MAGI1: variants seen among roughly 807,000 people sequenced by gnomAD.
MAGI1 encodes membrane-associated guanylate kinase, WW and PDZ domain-containing protein 1.
MAGI1 carries 58 observed loss-of-function variants against 139.9 expected under a neutral mutation model. The observed-to-expected ratio is 0.41, with a 90% CI of 0.34 to 0.52. The LOEUF (loss-of-function observed/expected upper bound fraction) is 0.52. MAGI1 is among the 20% of genes least tolerant of loss of function. MAGI1 has a pLI of 0.12. For synonymous variants in MAGI1, 812 were observed against 737.9 expected (o/e 1.10, Z -1.63); for missense variants, 1,874 against 1,901.6 (o/e 0.99, Z 0.27).
rs1411804173 is a variant in MAGI1 at position 65,478,576 on chromosome 3, A to G, written c.757+16T>C. On this transcript the variant is annotated intron_variant, in intron 4 of 22. Coordinates refer to ENST00000402939, the MANE Select transcript of MAGI1 (RefSeq NM_001033057.2). ...CTTCCCCAGGTCCATTGAGGGCAAC[A>G]TGATCTGACCTTTACCTGTAAAGCT... 3.7e-6 allele frequency: 6 copies of G among 1,612,052 alleles called. No homozygotes were observed. Among genetic ancestry groups the G allele is most frequent in the Non-Finnish European group, 5.1e-6 (6 of 1,178,526 alleles).
Position 65,988,028 on chromosome 3 carries a change from T to C in MAGI1, c.313+49968A>G, listed in dbSNP as rs143551677. Among the ~76,000 whole-genome samples, 289 of 152,354 alleles carry C rather than the reference T, an allele frequency of 1.9e-3. 2 individuals are homozygous for C. The highest frequency in any genetic ancestry group is 6.8e-3 in the African/African-American group (283 of 41,588). ...CATGAATCTGAAAACGGGTTGAAGA[T>C]ATAAGTGTAAGTTATTATCTGAACA... On this transcript the variant is annotated intron_variant, in intron 1 of 22. Transcript: ENST00000402939.
chr3:65,429,376 A>C, intron 12 of MAGI1, 144 bp downstream of exon 12: 1 of 796,848 alleles, frequency 1.3e-6, no homozygotes. Flanking sequence ...TATGCTAAAG[A>C]GGTTAGTATT....
intron 1 of MAGI1, among the ~76,000 whole-genome samples, chr3:65,664,843 G>C (rs1266934965): frequency 6.6e-6 from 1 of 152,012 alleles, no homozygotes; most frequent in Non-Finnish European, 1.5e-5. Context: ...TCACATTTTT[G>C]TGCTTTTTGA....
intron 2 of MAGI1, among the ~76,000 whole-genome samples, chr3:65,500,861 A>C (rs772434721): frequency 1.1e-4 from 17 of 152,224 alleles, no homozygotes; most frequent in Non-Finnish European, 2.5e-4. Context: ...AAAAAATGAC[A>C]GTCACTGCAA....
At chr3:65,693,758 C>T (rs2088893390) in intron 1 of MAGI1, among the ~76,000 whole-genome samples, 1 of 151,970 alleles carries the variant, frequency 6.6e-6, no homozygotes, top group African/African-American at 2.4e-5. Flanking sequence ...GAGTCTTGTT[C>T]TGTCACCCAG....
intron 1 of MAGI1, among the ~76,000 whole-genome samples, chr3:65,813,746 C>A (rs2041429750): frequency 6.6e-6 from 1 of 152,144 alleles, no homozygotes; most frequent in Admixed American, 6.5e-5. Flanking sequence ...CAATTAAAGT[C>A]ATAAAATGGT....
At chr3:65,364,751 A>G (rs1941244632) in intron 19 of MAGI1, 26 bp from the exon 20 acceptor site, 1 of 1,611,660 alleles carries the variant, frequency 6.2e-7, no homozygotes, top group African/African-American at 1.3e-5. Flanking sequence ...AAATAAATAT[A>G]AGAGCAACCC....
intron 2 of MAGI1, among the ~76,000 whole-genome samples, chr3:65,535,713 T>C (rs1356483875): frequency 1.3e-5 from 2 of 152,196 alleles, no homozygotes; most frequent in East Asian, 1.9e-4. Flanking sequence ...TACAAGGGGA[T>C]GATTCAAAGG....
chr3:65,990,423 T>A (rs115811856), intron 1 of MAGI1, among the ~76,000 whole-genome samples: 26 of 152,324 alleles, frequency 1.7e-4, no homozygotes, highest in African/African-American at 6.0e-4. Context: ...TACCAAAGAA[T>A]GACCCTCTGG....
chr3:65,582,909 C>A (rs1195588997), intron 2 of MAGI1, among the ~76,000 whole-genome samples: 1 of 152,196 alleles, frequency 6.6e-6, no homozygotes, highest in Non-Finnish European at 1.5e-5. Flanking sequence ...TCACACCAGT[C>A]CATCAGCACT....
intron 2 of MAGI1, among the ~76,000 whole-genome samples, chr3:65,515,164 T>C (rs1436431089): frequency 2.9e-5 from 2 of 69,340 alleles, no homozygotes; most frequent in Non-Finnish European, 5.3e-5. Context: ...TGTGGTGGGG[T>C]GGGGGGAGGG....
At chr3:65,987,348 ACCC>A (rs2065933421) in intron 1 of MAGI1, among the ~76,000 whole-genome samples, 2 of 152,110 alleles carry the variant, frequency 1.3e-5, no homozygotes, top group South Asian at 4.2e-4. Flanking sequence ...ATCAGTACCG[ACCC>A]CTCAGGGTTG....
chr3:65,788,846 C>G (rs2039567535), intron 1 of MAGI1, among the ~76,000 whole-genome samples: 1 of 152,138 alleles, frequency 6.6e-6, no homozygotes, highest in Non-Finnish European at 1.5e-5. Context: ...TTATTTATTC[C>G]CAAAGCCCCA....
At chr3:65,640,147 CATGTGCAGGTCTTGGG>C (rs941384976) in intron 1 of MAGI1, among the ~76,000 whole-genome samples, 1 of 152,018 alleles carries the variant, frequency 6.6e-6, no homozygotes, top group Admixed American at 6.6e-5. Flanking sequence ...TTCAGCTTGT[CATGTGCAGGTCTTGGG>C]ATGTGCCAGT....
chr3:66,038,309 G>C lies in MAGI1; in HGVS notation c.-1C>G. On this transcript the variant is annotated 5_prime_UTR_variant, in exon 1 of 23. In the 5' UTR this introduces an upstream ATG that the reference lacks. Coordinates refer to ENST00000402939, the MANE Select transcript of MAGI1 (RefSeq NM_001033057.2). ...TCTTCTTCTGGATCACTTTGGACAT[G>C]ATGAGTTACACCCCTCCTCCAAAAA... is the stretch of plus-strand genomic sequence containing the variant. 3 of 1,567,782 alleles carry C rather than the reference G, an allele frequency of 1.9e-6. No individual in the cohort carries two copies. The highest frequency in any genetic ancestry group is 2.6e-6 in the Non-Finnish European group (3 of 1,155,652).
chr3:65,905,917 G>A (rs1360773594), intron 1 of MAGI1, among the ~76,000 whole-genome samples: 1 of 152,192 alleles, frequency 6.6e-6, no homozygotes, highest in East Asian at 1.9e-4. Flanking sequence ...GTGCTTTCCG[G>A]ATATAAGAAA....
intron 1 of MAGI1, among the ~76,000 whole-genome samples, chr3:65,800,374 A>G (rs1180583662): frequency 6.6e-6 from 1 of 152,206 alleles, no homozygotes; most frequent in East Asian, 1.9e-4. Context: ...CTCCCCTTGG[A>G]GTATTTTCTA....
chr3:65,728,668 A>G (rs2033864855), intron 1 of MAGI1, among the ~76,000 whole-genome samples: 1 of 152,152 alleles, frequency 6.6e-6, no homozygotes, highest in African/African-American at 2.4e-5. Flanking sequence ...TTCAAACAGT[A>G]TTGTCAGAAG....
chr3:65,358,272 T>C (rs1250935081), intron 22 of MAGI1, among the ~76,000 whole-genome samples: 1 of 152,096 alleles, frequency 6.6e-6, no homozygotes, highest in Non-Finnish European at 1.5e-5. Flanking sequence ...CAACAAGTCA[T>C]CCACATGACA....
Sources: gnomAD v4.1 joint callset for allele counts (sites outside exome capture counted in the v4.1 genomes callset) on GRCh38, gnomAD v4.1.1 for gene constraint, MANE v1.5 for transcripts, NCBI Gene and HGNC (gene_info 2026-07-23, HGNC 2026-07-21) for gene names.